The following SLC43A2 variants were observed in gnomAD, a reference collection of about 807,000 sequenced individuals.
SLC43A2 encodes the protein solute carrier family 43 member 2.
In SLC43A2, 38 loss-of-function variants were observed where a neutral mutation model predicts 63.2. The observed-to-expected ratio is 0.60, with a 90% CI of 0.46 to 0.79. SLC43A2 has a LOEUF of 0.79. SLC43A2 is among the 30% of genes least tolerant of loss of function. The probability of loss-of-function intolerance (pLI) is 0.00; values close to 1 mark genes in which losing one functional copy is unlikely to be tolerated. For synonymous variants in SLC43A2, 322 were observed against 331.0 expected (o/e 0.97, Z 0.30); for missense variants, 644 against 756.2 (o/e 0.85, Z 1.74).
intron 5 of SLC43A2, among the ~76,000 whole-genome samples, chr17:1,607,619 T>A (rs1906735639): frequency 6.6e-6 from 1 of 152,054 alleles, no homozygotes; most frequent in African/African-American, 2.4e-5. Context: ...GAATGGTGGG[T>A]GTCAGCACAT....
At chr17:1,594,715 G>A (rs1314136382) in intron 5 of SLC43A2, among the ~76,000 whole-genome samples, 1 of 149,034 alleles carries the variant, frequency 6.7e-6, no homozygotes, top group Non-Finnish European at 1.5e-5. Flanking sequence ...AGCCTCCCGT[G>A]TAGCTGGGAC....
At chr17:1,585,010 T>C (rs1453321663) in intron 10 of SLC43A2, among the ~76,000 whole-genome samples, 1 of 151,948 alleles carries the variant, frequency 6.6e-6, no homozygotes, top group Non-Finnish European at 1.5e-5. Flanking sequence ...TGCAGGCAGA[T>C]AACAAAGGGT....
At position 1,600,339 on chromosome 17, in the gene SLC43A2, C is replaced by T. The variant is rs1481859744; in HGVS notation, c.502-7060G>A. Among the ~76,000 whole-genome samples the T allele has an allele frequency of 9.0e-4, 132 of 146,470 alleles. 1 individual carries two copies. Among genetic ancestry groups the T allele is most frequent in the African/African-American group, 2.7e-3 (108 of 39,866 alleles). On this transcript the variant is annotated intron_variant, in intron 5 of 13. Coordinates refer to ENST00000301335, the MANE Select transcript of SLC43A2 (RefSeq NM_152346.3). ...CTAATTTTTGTATTTTTAGTAGAGA[C>T]GGGGTTTAGCCATGTTGGCCAGGCT...
chr17:1,578,243 G>C lies in SLC43A2; in HGVS notation c.1424+7C>G. The C allele has an allele frequency of 1.2e-6, 2 of 1,612,226 alleles. No individual in the cohort carries two copies. On this transcript the variant is annotated splice_region_variant and intron_variant, in intron 12 of 13. Transcript: ENST00000301335. The surrounding 1 kb of genome is among the most constrained non-coding windows in gnomAD (Gnocchi z 6.5). ...CCACCAGGCCACCTGCGGCTTCCAG[G>C]ACTTACACGGCAGCGTACAGGCCCC...
Position 1,606,724 on chromosome 17 carries a change from CGG to C in SLC43A2, c.501+6469_501+6470del, listed in dbSNP as rs564346549. On this transcript the variant is annotated intron_variant, in intron 5 of 13. Transcript: ENST00000301335. The surrounding 1 kb of genome is among the most constrained non-coding windows in gnomAD (Gnocchi z 4.7). ...CACTGAGCGTGCCGTCCAGATGTCC[CGG>C]GGGAGGCTGAGGATCCACACCGTGG... 1.3e-5 allele frequency among the ~76,000 whole-genome samples: 2 copies of C among 152,188 alleles called. No individual in the cohort carries two copies. The highest frequency in any genetic ancestry group is 6.5e-5 in the Admixed American group (1 of 15,282).
intron 5 of SLC43A2, among the ~76,000 whole-genome samples, chr17:1,609,249 C>T (rs1187218381): frequency 2.0e-5 from 3 of 152,054 alleles, no homozygotes; most frequent in Admixed American, 6.6e-5. Flanking sequence ...TCGCCCAGGC[C>T]GGAGTGCAGT....
chr17:1,615,601 T>C (rs1907528442), intron 3 of SLC43A2, among the ~76,000 whole-genome samples: 1 of 148,938 alleles, frequency 6.7e-6, no homozygotes, highest in Non-Finnish European at 1.5e-5. Context: ...CCCAGCACTT[T>C]GGGAGGCCGA....
chr17:1,629,562 C>T (rs1431745537), upstream of SLC43A2, among the ~76,000 whole-genome samples: 1 of 152,204 alleles, frequency 6.6e-6, no homozygotes, highest in Non-Finnish European at 1.5e-5. Context: ...TGGTCTGTCC[C>T]GTCCTAGGAT....
At position 1,577,942 on chromosome 17, in the gene SLC43A2, C is replaced by T. The variant is rs575529337; in HGVS notation, c.1424+308G>A. On this transcript the variant is annotated intron_variant, in intron 12 of 13. Coordinates refer to ENST00000301335, the MANE Select transcript of SLC43A2 (RefSeq NM_152346.3). This position sits in a 1 kb window ranked among gnomAD's most constrained non-coding sequence, Gnocchi z 4.9. ...AGCAGCCAGGGCCAGCCCCAGGACT[C>T]GGCTGTAGTGGCCCCTGAGGCCATA... Among the ~76,000 whole-genome samples, 2 of 152,206 alleles carry T rather than the reference C, an allele frequency of 1.3e-5. No homozygotes were observed. The highest frequency in any genetic ancestry group is 2.9e-5 in the Non-Finnish European group (2 of 68,034).
intron 5 of SLC43A2, among the ~76,000 whole-genome samples, chr17:1,599,221 T>A (rs1430936772): frequency 6.6e-6 from 1 of 151,778 alleles, no homozygotes; most frequent in African/African-American, 2.4e-5. Context: ...GCACCTGTAG[T>A]CCCAGGTACT....
intron 5 of SLC43A2, among the ~76,000 whole-genome samples, chr17:1,607,605 G>A (rs1906734141): frequency 1.3e-5 from 2 of 152,170 alleles, no homozygotes; most frequent in Non-Finnish European, 2.9e-5. Context: ...GAGGGTGTGG[G>A]TGTGAATGGT....
intron 11 of SLC43A2, among the ~76,000 whole-genome samples, chr17:1,580,631 G>A (rs753844584): frequency 5.3e-5 from 8 of 151,506 alleles, no homozygotes; most frequent in East Asian, 1.9e-4. Flanking sequence ...GTGTGGTCTC[G>A]GCTCACTGCA....
chr17:1,589,481 T>C (rs755761386), intron 9 of SLC43A2, among the ~76,000 whole-genome samples: 4 of 152,094 alleles, frequency 2.6e-5, no homozygotes, highest in African/African-American at 4.8e-5. Flanking sequence ...GGCGCGCACC[T>C]GGGGAGCCCT....
intron 1 of SLC43A2, 126 bp from the exon 2 acceptor site, chr17:1,628,046 G>T: frequency 9.9e-7 from 1 of 1,010,480 alleles, no homozygotes; most frequent in Non-Finnish European, 1.3e-6. Context: ...GCCGGTGCGC[G>T]CAGCAGAGGA....
At chr17:1,595,814 C>A (rs568860347) in intron 5 of SLC43A2, among the ~76,000 whole-genome samples, 1 of 152,280 alleles carries the variant, frequency 6.6e-6, no homozygotes, top group East Asian at 1.9e-4. Flanking sequence ...TGGCCTCAAG[C>A]TCTTCTCCCA....
intron 3 of SLC43A2, 140 bp from the exon 4 acceptor site, chr17:1,615,174 C>G: frequency 1.1e-6 from 1 of 910,342 alleles, no homozygotes; most frequent in South Asian, 1.5e-5. Context: ...GTGGCGCGAT[C>G]TCGGCTCACT....
At chr17:1,599,382 C>G (rs2151056561) in intron 5 of SLC43A2, among the ~76,000 whole-genome samples, 1 of 151,620 alleles carries the variant, frequency 6.6e-6, no homozygotes, top group Middle Eastern at 3.5e-3. Context: ...ATGTTTGGAG[C>G]AAAGTATAAA....
In SLC43A2 at chr17:1,585,127, A is replaced by G. The variant is rs1042643310; in HGVS notation, c.1217+786T>C. 3 of 982,780 alleles carry G rather than the reference A, an allele frequency of 3.1e-6. No homozygotes were observed. The African/African-American group carries it at 5.2e-5, about 17-fold the overall frequency. 60.9% of individuals were successfully genotyped at this position (982,780 alleles called of 1,614,324 possible). On this transcript the variant is annotated intron_variant, in intron 10 of 13. Coordinates refer to ENST00000301335, the MANE Select transcript of SLC43A2 (RefSeq NM_152346.3). ...ACTTTGGGAGGCTTTAAGATGGTGT[A>G]GCCACTGCCAAGGGGTGGAGGGAGG... is the stretch of plus-strand genomic sequence containing the variant.
Position 1,583,370 on chromosome 17 carries a change from G to A in SLC43A2, c.1218-34C>T. On this transcript the variant is annotated intron_variant, in intron 10 of 13. Transcript: ENST00000301335. This position sits in a 1 kb window ranked among gnomAD's most constrained non-coding sequence, Gnocchi z 5.5. ...ACACAGAACGTGCAGGGGTGGGAGGGCTCCCCGGAGGAAGCCGGGTGCTCC... is the reference window on the plus strand; with the variant it reads ...ACACAGAACGTGCAGGGGTGGGAGGACTCCCCGGAGGAAGCCGGGTGCTCC... 1.9e-6 allele frequency: 3 copies of A among 1,607,360 alleles called. No homozygotes were observed. Among genetic ancestry groups the A allele is most frequent in the Non-Finnish European group, 2.6e-6 (3 of 1,174,724 alleles).
Sources: gnomAD v4.1 joint callset for allele counts (sites outside exome capture counted in the v4.1 genomes callset) on GRCh38, gnomAD v4.1.1 for gene constraint, Gnocchi (gnomAD v3.1) non-coding constraint, MANE v1.5 for transcripts, NCBI Gene and HGNC (gene_info 2026-07-23, HGNC 2026-07-21) for gene names.